PI4KB: variants seen among roughly 807,000 people sequenced by gnomAD.
PI4KB encodes phosphatidylinositol 4-kinase beta.
A neutral mutation model predicts 81.4 loss-of-function variants in PI4KB; 23 were observed. That is an observed-to-expected ratio of 0.28 (90% CI 0.20 to 0.40). The LOEUF is 0.40. Ranked by LOEUF, PI4KB falls within the 10% of genes least tolerant of loss-of-function variation. The probability of loss-of-function intolerance (pLI) is 1.00; values close to 1 mark genes in which losing one functional copy is unlikely to be tolerated. For missense variants in PI4KB, 651 were observed against 1,036.6 expected (o/e 0.63, Z 5.11); for synonymous variants, 381 against 406.8 (o/e 0.94, Z 0.76).
Position 151,301,944 on chromosome 1 carries a change from TA to T in PI4KB, c.1648del (p.Tyr550ThrfsTer30). 1.9e-6 allele frequency: 3 copies of T among 1,613,774 alleles called. No individual in the cohort carries two copies. In the African/African-American group the frequency reaches 4.0e-5, roughly 22 times the overall value. ...GAGCCGCCAATTGGGGAGATGGCCGTAGGGGGAGCCCTCTCTGATCCGCCTG... is the reference window on the plus strand; with the variant it reads ...GAGCCGCCAATTGGGGAGATGGCCGTGGGGGAGCCCTCTCTGATCCGCCTG... ...KVRRIREGSP[Y>X]GHLPNWRLLS... is the part of the protein sequence containing the mutation. On this transcript the variant is annotated frameshift_variant, in exon 8 of 12. Coordinates refer to ENST00000368873, the MANE Select transcript of PI4KB (RefSeq NM_001369623.2). LOFTEE classifies it high-confidence loss of function.
intron 3 of PI4KB, among the ~76,000 whole-genome samples, chr1:151,308,627 G>C (rs1402222259): frequency 6.6e-6 from 1 of 152,088 alleles, no homozygotes; most frequent in Non-Finnish European, 1.5e-5. Flanking sequence ...TTGGCTCCTT[G>C]TGCTGGGCAA....
At chr1:151,323,710 C>A (rs756154091) in intron 1 of PI4KB, among the ~76,000 whole-genome samples, 5 of 152,000 alleles carry the variant, frequency 3.3e-5, no homozygotes, top group Non-Finnish European at 5.9e-5. Flanking sequence ...GGCGACAGAA[C>A]GAGACTCCAT....
At chr1:151,298,116 G>A (rs1393422321) in intron 9 of PI4KB, among the ~76,000 whole-genome samples, 1 of 152,160 alleles carries the variant, frequency 6.6e-6, no homozygotes, top group Non-Finnish European at 1.5e-5. Context: ...TGACAGCTCT[G>A]GGCAAAACAA....
intron 9 of PI4KB, among the ~76,000 whole-genome samples, chr1:151,296,534 G>A (rs1027741421): frequency 6.6e-6 from 1 of 151,066 alleles, no homozygotes; most frequent in Non-Finnish European, 1.5e-5. Flanking sequence ...GCAATGGTGC[G>A]ATCTTGGCTC....
rs758370222 is a variant in PI4KB at position 151,298,921 on chromosome 1, G to A, written c.1902C>T (p.Phe634=). The A allele has an allele frequency of 6.2e-7, 1 of 1,614,060 alleles. No homozygotes were observed. Among genetic ancestry groups the A allele is most frequent in the East Asian group, 2.2e-5 (1 of 44,894 alleles). ...KQSQLSLLDY[F]LQEHGSYTTE... ...TGGTGTAACTGCCGTGCTCCTGTAGGAAGTAATCGAGCAAGGAGAGCTGTG... is the reference window on the plus strand; with the variant it reads ...TGGTGTAACTGCCGTGCTCCTGTAGAAAGTAATCGAGCAAGGAGAGCTGTG... Residue 634 remains phenylalanine, a synonymous_variant, in exon 9 of 12, where the codon TTC becomes TTT. Coordinates refer to ENST00000368873, the MANE Select transcript of PI4KB (RefSeq NM_001369623.2).
intron 8 of PI4KB, among the ~76,000 whole-genome samples, chr1:151,299,382 AAAT>A (rs1338241870): frequency 2.0e-5 from 3 of 152,112 alleles, no homozygotes; most frequent in Non-Finnish European, 4.4e-5. Context: ...CTGTAAGTTC[AAAT>A]AATAAGAAAA....
At chr1:151,304,811 A>T (rs923813626) in intron 5 of PI4KB, among the ~76,000 whole-genome samples, 1 of 148,528 alleles carries the variant, frequency 6.7e-6, no homozygotes, top group African/African-American at 2.5e-5. Flanking sequence ...GATTACAGGC[A>T]TGTTCCACCA....
At chr1:151,306,037 C>G in intron 5 of PI4KB, 99 bp downstream of exon 5, 1 of 952,382 alleles carries the variant, frequency 1.0e-6, no homozygotes, top group Middle Eastern at 3.1e-4. Context: ...GGATACTTGC[C>G]TTACCCTGCC....
intron 4 of PI4KB, among the ~76,000 whole-genome samples, chr1:151,306,711 A>G (rs587686010): frequency 9.2e-5 from 14 of 152,350 alleles, no homozygotes; most frequent in Admixed American, 4.6e-4. Flanking sequence ...AGGGAGCTAC[A>G]GTGGACAAAA....
rs916571268 is a variant in PI4KB at position 151,324,584 on chromosome 1, G to A, written c.-29+2687C>T. Reference sequence around the variant, plus strand: ...CTCAAGCTACTAGCACGAGGGTAGGGAGGGCAGTGGTCTCATGGTAGTTAA... The same window carrying A: ...CTCAAGCTACTAGCACGAGGGTAGGAAGGGCAGTGGTCTCATGGTAGTTAA... On this transcript the variant is annotated intron_variant, in intron 1 of 11. Transcript: ENST00000368873. Among the ~76,000 whole-genome samples the A allele has an allele frequency of 5.3e-5, 8 of 152,280 alleles. No individual in the cohort carries two copies. The East Asian group carries it at 1.2e-3, about 22-fold the overall frequency.
In PI4KB at chr1:151,298,590, T is replaced by G. The variant is rs78172410; in HGVS notation, c.2015+218A>C. ...CCCTGCTCACTCAAACCCTTAGTCC[T>G]CCCATAAATCCTTCATTTCTTTGCC... On this transcript the variant is annotated intron_variant, in intron 9 of 11. Coordinates refer to ENST00000368873, the MANE Select transcript of PI4KB (RefSeq NM_001369623.2). The G allele has an allele frequency of 4.4e-3, 2,613 of 599,472 alleles. 18 individuals are homozygous for G. Among genetic ancestry groups the G allele is most frequent in the Non-Finnish European group, 3.8e-3 (1,293 of 339,640 alleles). The allele number at this position is 599,472 out of a possible 1,614,324, so 37.1% of individuals were successfully genotyped here.
rs538828539 is a variant in PI4KB, at chr1:151,324,772, C to T, written c.-29+2499G>A. 21 of 985,304 alleles carry T rather than the reference C, an allele frequency of 2.1e-5. No individual in the cohort carries two copies. In the East Asian group the frequency reaches 1.4e-3, roughly 64 times the overall value. The allele number at this position is 985,304 out of a possible 1,614,324, so 61.0% of individuals were successfully genotyped here. A position where few individuals can be genotyped will look rare whatever the true frequency, so the allele number is the denominator to read the frequency against. The stretch of plus-strand genomic sequence containing the variant: ...CTCTCTGAATTGTTCCTCCCTACTG[C>T]GAGTCCCAAATACACTTGGACTGGG... On this transcript the variant is annotated intron_variant, in intron 1 of 11. Transcript: ENST00000368873.
intron 1 of PI4KB, among the ~76,000 whole-genome samples, chr1:151,321,612 G>A (rs930249413): frequency 3.3e-5 from 5 of 151,768 alleles, no homozygotes; most frequent in Non-Finnish European, 7.4e-5. Flanking sequence ...GGTGGCTCAC[G>A]CCTGTAATCC....
Position 151,307,732 on chromosome 1 carries a change from G to A in PI4KB, c.1024C>T (p.Leu342Phe). 1 of 1,614,148 alleles carries A rather than the reference G, an allele frequency of 6.2e-7. No individual in the cohort carries two copies. Among genetic ancestry groups the A allele is most frequent in the Non-Finnish European group, 8.5e-7 (1 of 1,180,012 alleles). The change falls in exon 4 of 12, where the codon CTC becomes TTC. Residue 342 changes from leucine to phenylalanine, a missense_variant. Transcript: ENST00000368873. ...TGTGTTTTCTGCTCTTTGGTGGGGA[G>A]CGTGGCCAGCCGCTTGCCGATCGCC... is the stretch of plus-strand genomic sequence containing the variant. ...LMAIGKRLAT[L>F]PTKEQKTQRL...
chr1:151,293,323 G>A (rs1185191777), intron 11 of PI4KB: 1 of 1,371,180 alleles, frequency 7.3e-7, no homozygotes, highest in Middle Eastern at 2.0e-4. Flanking sequence ...AGGCTGGGAG[G>A]AGGCTGGAGG....
At chr1:151,293,914 C>A (rs766750063) in intron 11 of PI4KB, 104 bp downstream of exon 11, 1 of 1,296,758 alleles carries the variant, frequency 7.7e-7, no homozygotes, top group Admixed American at 2.2e-5. Context: ...GGGAACCCCC[C>A]TCCCTCAACC....
chr1:151,293,059 G>A (rs1694432853), intron 11 of PI4KB, 26 bp from the exon 12 acceptor site: 1 of 1,610,584 alleles, frequency 6.2e-7, no homozygotes, highest in Admixed American at 1.7e-5. Flanking sequence ...GGAGTTCAGG[G>A]TCATGGATGG....
At chr1:151,309,511 G>C (rs1040852063) in intron 3 of PI4KB, among the ~76,000 whole-genome samples, 19 of 152,186 alleles carry the variant, frequency 1.2e-4, no homozygotes, top group African/African-American at 4.6e-4. Context: ...ACTCCCAGAG[G>C]TCCTGCATTT....
Position 151,292,658 on chromosome 1 carries a change from T to G in PI4KB, c.*194A>C. 1 of 595,482 alleles carries G rather than the reference T, an allele frequency of 1.7e-6. No homozygotes were observed. The highest frequency in any genetic ancestry group is 2.9e-5 in the East Asian group (1 of 35,042). The allele number at this position is 595,482 out of a possible 1,614,324, so 36.9% of individuals were successfully genotyped here. A position where few individuals can be genotyped will look rare whatever the true frequency, so the allele number is the denominator to read the frequency against. On this transcript the variant is annotated 3_prime_UTR_variant, in exon 12 of 12. Coordinates refer to ENST00000368873, the MANE Select transcript of PI4KB (RefSeq NM_001369623.2). ...AGGGGCAGGGAAGCCCCAACAAGTCTGGACCCCACAGCTGGCTCTCCCACC... is the reference window on the plus strand; with the variant it reads ...AGGGGCAGGGAAGCCCCAACAAGTCGGGACCCCACAGCTGGCTCTCCCACC...
Sources: gnomAD v4.1 joint callset for allele counts (sites outside exome capture counted in the v4.1 genomes callset) on GRCh38, gnomAD v4.1.1 for gene constraint, MANE v1.5 for transcripts, NCBI Gene and HGNC (gene_info 2026-07-23, HGNC 2026-07-21) for gene names.